Variants in MAML1 observed in about 807,000 individuals in gnomAD.
The protein encoded by MAML1 is mastermind-like protein 1.
A neutral mutation model predicts 77.1 loss-of-function variants in MAML1; 14 were observed. The observed-to-expected ratio is 0.18, with a 90% confidence interval of 0.12 to 0.28. The LOEUF is 0.28. Ranked by LOEUF, MAML1 falls within the 10% of genes least tolerant of loss-of-function variation. MAML1 has a pLI of 1.00. For synonymous variants in MAML1, 516 were observed against 551.9 expected, an observed-to-expected ratio of 0.93 and a Z score of 0.91; for missense variants, 1,217 against 1,327.8, an observed-to-expected ratio of 0.92 and a Z score of 1.30.
intron 1 of MAML1, among the ~76,000 whole-genome samples, chr5:179,759,225 C>T (rs557415141): frequency 6.6e-6 from 1 of 152,166 alleles, no homozygotes; most frequent in Non-Finnish European, 1.5e-5. Flanking sequence ...CAAGTCTGTT[C>T]TGACAAAGGG....
chr5:179,765,016 TGTG>T (rs1355819567), intron 1 of MAML1, among the ~76,000 whole-genome samples: 1 of 151,388 alleles, frequency 6.6e-6, no homozygotes, highest in Non-Finnish European at 1.5e-5. Context: ...TGTGTGTGTG[TGTG>T]TACTCTCTGG....
chr5:179,773,808 C>A, intron 4 of MAML1, 87 bp from the exon 5 acceptor site: 1 of 1,524,200 alleles, frequency 6.6e-7, no homozygotes, highest in Non-Finnish European at 8.8e-7. Context: ...GTGCCGTGAA[C>A]GTGAGACTTC....
rs1369627139 is a variant in MAML1 at position 179,766,687 on chromosome 5, G to A, written c.1677G>A (p.Leu559=). The part of the protein sequence containing the change: ...HISHEQNSLF[L]MKPKPGNMPF... Reference sequence around the variant, plus strand: ...GTCACGAGCAGAACTCCCTGTTTCTGATGAAGCCAAAGCCAGGAAATATGC... The same window carrying A: ...GTCACGAGCAGAACTCCCTGTTTCTAATGAAGCCAAAGCCAGGAAATATGC... The change falls in exon 2 of 5, where the codon CTG becomes CTA. Residue 559 remains leucine (L), a synonymous_variant. Transcript: ENST00000292599. This position sits in a 1 kb window ranked among gnomAD's most constrained non-coding sequence, Gnocchi z 4.0. The A allele has an allele frequency of 1.9e-6, 3 of 1,591,996 alleles. No individual in the cohort carries two copies. Among genetic ancestry groups the A allele is most frequent in the Non-Finnish European group, 2.6e-6 (3 of 1,168,516 alleles).
In MAML1 at chr5:179,766,147, T is replaced by A; in HGVS notation, c.1137T>A (p.Gly379=). The change falls in exon 2 of 5, where the codon GGT becomes GGA. Residue 379 remains glycine (G), a synonymous_variant. Coordinates refer to ENST00000292599, the MANE Select transcript of MAML1 (RefSeq NM_014757.5). The surrounding 1 kb of genome is among the most constrained non-coding windows in gnomAD (Gnocchi z 4.0). ...AGAACGCACAAAGAGCCCTTGCAGG[T>A]GTGGTATTGCCCAGTCAGGGCCCAG... ...QAQNAQRALA[G]VVLPSQGPGG... 2 of 1,575,654 alleles carry A rather than the reference T, an allele frequency of 1.3e-6. No individual in the cohort carries two copies. The highest frequency in any genetic ancestry group is 1.7e-6 in the Non-Finnish European group (2 of 1,162,310).
chr5:179,774,929 C>T lies in MAML1; in HGVS notation c.*52C>T. The T allele has an allele frequency of 6.6e-7, 1 of 1,524,722 alleles. No individual in the cohort carries two copies. The highest frequency in any genetic ancestry group is 8.8e-7 in the Non-Finnish European group (1 of 1,138,940). 94.4% of individuals were successfully genotyped at this position (1,524,722 alleles called of 1,614,324 possible). A position where few individuals can be genotyped will look rare whatever the true frequency, so the allele number is the denominator to read the frequency against. On this transcript the variant is annotated 3_prime_UTR_variant, in exon 5 of 5. Transcript: ENST00000292599. ...TTCATTCATCCTATATTTTTATTCTCAGATTCAAAGAAAGAGCAACTACTT... is the reference window on the plus strand; with the variant it reads ...TTCATTCATCCTATATTTTTATTCTTAGATTCAAAGAAAGAGCAACTACTT...
At chr5:179,743,044 C>T (rs968228865) in intron 1 of MAML1, among the ~76,000 whole-genome samples, 5 of 124,892 alleles carry the variant, frequency 4.0e-5, no homozygotes, top group African/African-American at 1.1e-4. Flanking sequence ...AACCCCTTCA[C>T]ACTTTTTTTT....
intron 4 of MAML1, 98 bp from the exon 5 acceptor site, chr5:179,773,797 T>C (rs1756058283): frequency 6.6e-7 from 1 of 1,513,630 alleles, no homozygotes. Context: ...CTCTTCCCAG[T>C]GTGCCGTGAA....
chr5:179,753,222 T>TGTGTGC (rs1491538366), intron 1 of MAML1, among the ~76,000 whole-genome samples: 154 of 31,456 alleles, frequency 4.9e-3, no homozygotes, highest in African/African-American at 9.6e-3. Context: ...TGTGTGTGTG[T>TGTGTGC]GCGCGCGCGC....
chr5:179,776,478 G>A lies in MAML1; in HGVS notation c.*1601G>A, dbSNP rs13176869. 22,560 of 985,740 alleles carry A rather than the reference G, an allele frequency of 0.023. 309 individuals carry two copies. The highest frequency in any genetic ancestry group is 0.054 in the African/African-American group (3,109 of 57,312). The allele number at this position is 985,740 out of a possible 1,614,324, so 61.1% of individuals were successfully genotyped here. ...CTAATAGCCATTTGCCACCCCAAGT[G>A]GTATGTCGGCCATTTCTCCTTAAAA... On this transcript the variant is annotated 3_prime_UTR_variant, in exon 5 of 5. Coordinates refer to ENST00000292599, the MANE Select transcript of MAML1 (RefSeq NM_014757.5).
At chr5:179,760,355 C>T (rs1180904027) in intron 1 of MAML1, among the ~76,000 whole-genome samples, 5 of 151,954 alleles carry the variant, frequency 3.3e-5, no homozygotes, top group Non-Finnish European at 7.4e-5. Flanking sequence ...AGATAAGCCA[C>T]CTGAATTAGA....
chr5:179,753,604 G>T (rs184052181), intron 1 of MAML1, among the ~76,000 whole-genome samples: 2 of 150,466 alleles, frequency 1.3e-5, no homozygotes, highest in Non-Finnish European at 1.5e-5. Flanking sequence ...TGGATGAGAT[G>T]AATCGGGGGG....
At chr5:179,735,957 A>G (rs998764748) in intron 1 of MAML1, among the ~76,000 whole-genome samples, 2 of 152,140 alleles carry the variant, frequency 1.3e-5, no homozygotes, top group Non-Finnish European at 2.9e-5. Context: ...AAGTGCTGGG[A>G]TTACAGGCGT....
rs574690957 is a variant in MAML1, at chr5:179,742,388, C to T, written c.315+8961C>T. On this transcript the variant is annotated intron_variant, in intron 1 of 4. Coordinates refer to ENST00000292599, the MANE Select transcript of MAML1 (RefSeq NM_014757.5). ...CCTGTAATCCCAGCTACTCAGGAGG[C>T]TGAGGCAGGGGAATCCCTAGAACCT... 5.5e-4 allele frequency among the ~76,000 whole-genome samples: 83 copies of T among 151,990 alleles called. 1 individual carries two copies. Among genetic ancestry groups the T allele is most frequent in the African/African-American group, 1.8e-3 (76 of 41,518 alleles).
intron 1 of MAML1, among the ~76,000 whole-genome samples, chr5:179,745,445 G>T (rs943797837): frequency 6.6e-6 from 1 of 151,836 alleles, no homozygotes; most frequent in Non-Finnish European, 1.5e-5. Flanking sequence ...GCTGGGCGCG[G>T]TGGCTCACGC....
At chr5:179,743,756 A>G (rs1052954501) in intron 1 of MAML1, among the ~76,000 whole-genome samples, 1 of 152,152 alleles carries the variant, frequency 6.6e-6, no homozygotes, top group Non-Finnish European at 1.5e-5. Context: ...TTGTTTATCA[A>G]TTGTAAACTA....
At chr5:179,753,666 T>A (rs1254931935) in intron 1 of MAML1, among the ~76,000 whole-genome samples, 2 of 138,358 alleles carry the variant, frequency 1.4e-5, no homozygotes, top group African/African-American at 5.4e-5. Context: ...TTTTTTTTTT[T>A]TTTTTTTTTT....
At chr5:179,734,556 C>T (rs986018087) in intron 1 of MAML1, among the ~76,000 whole-genome samples, 1 of 152,200 alleles carries the variant, frequency 6.6e-6, no homozygotes, top group Admixed American at 6.5e-5. Flanking sequence ...GATTTCATTG[C>T]TTATTGTATC....
intron 1 of MAML1, among the ~76,000 whole-genome samples, chr5:179,746,315 C>G (rs1779382279): frequency 6.6e-6 from 1 of 152,008 alleles, no homozygotes; most frequent in Admixed American, 6.5e-5. Context: ...CACTGCACTG[C>G]AGCCTGGCGG....
chr5:179,736,824 T>C (rs569769230), intron 1 of MAML1, among the ~76,000 whole-genome samples: 6 of 152,030 alleles, frequency 3.9e-5, no homozygotes, highest in African/African-American at 1.4e-4. Flanking sequence ...TAGCTGGGCA[T>C]GTGGCGTGCG....
Sources: gnomAD v4.1 joint callset for allele counts (sites outside exome capture counted in the v4.1 genomes callset) on GRCh38, gnomAD v4.1.1 for gene constraint, Gnocchi (gnomAD v3.1) non-coding constraint, MANE v1.5 for transcripts, NCBI Gene and HGNC (gene_info 2026-07-23, HGNC 2026-07-21) for gene names.